Variants in KAZN observed in about 807,000 individuals in gnomAD.
The protein encoded by KAZN is kazrin.
KAZN carries 40 observed loss-of-function variants against 87.4 expected under a neutral mutation model. The observed-to-expected ratio is 0.46, with a 90% CI of 0.36 to 0.60. The LOEUF (loss-of-function observed/expected upper bound fraction) is 0.60, where lower values mean the gene tolerates loss of function less well. Among genes scored for constraint, KAZN ranks in the 20% least tolerant of loss-of-function variants. KAZN has a pLI of 0.00. For missense variants in KAZN, 898 were observed against 1,073.9 expected, an observed-to-expected ratio of 0.84 and a Z score of 2.29; for synonymous variants, 466 against 458.3, an observed-to-expected ratio of 1.02 and a Z score of -0.22.
At chr1:14,370,624 G>C (rs527268503) in intron 2 of KAZN, among the ~76,000 whole-genome samples, 1 of 151,210 alleles carries the variant, frequency 6.6e-6, no homozygotes, top group African/African-American at 2.4e-5. Flanking sequence ...CTATTGGGCT[G>C]AAAAACCTGG....
chr1:13,915,781 C>T (rs1416607262), intron 1 of KAZN, among the ~76,000 whole-genome samples: 7 of 152,244 alleles, frequency 4.6e-5, no homozygotes, highest in East Asian at 3.8e-4. Context: ...AGCTCCACCT[C>T]GTTCCACCTT....
chr1:13,894,120 G>A (rs1055797911), intron 1 of KAZN, among the ~76,000 whole-genome samples: 1 of 152,152 alleles, frequency 6.6e-6, no homozygotes, highest in Non-Finnish European at 1.5e-5. Context: ...GGTGCCAGTC[G>A]TAGCCTGGTT....
At chr1:14,753,768 C>T (rs576706135) in intron 1 of KAZN, among the ~76,000 whole-genome samples, 1 of 152,130 alleles carries the variant, frequency 6.6e-6, no homozygotes, top group Admixed American at 6.5e-5. Context: ...GCACTCACCT[C>T]TAGGGAGGGA....
At chr1:14,322,792 T>TG (rs1656138245) in intron 2 of KAZN, among the ~76,000 whole-genome samples, 1 of 152,122 alleles carries the variant, frequency 6.6e-6, no homozygotes. Flanking sequence ...ATGAGTGTGG[T>TG]GGGGGAGGAA....
intron 2 of KAZN, among the ~76,000 whole-genome samples, chr1:14,970,533 C>A (rs1375043516): frequency 3.3e-5 from 5 of 152,218 alleles, no homozygotes; most frequent in Non-Finnish European, 7.3e-5. Flanking sequence ...ACCCGAGGAA[C>A]TGATGTTCTC....
intron 1 of KAZN, among the ~76,000 whole-genome samples, chr1:14,043,705 T>C (rs1259077104): frequency 6.6e-6 from 1 of 152,154 alleles, no homozygotes; most frequent in Non-Finnish European, 1.5e-5. Context: ...GAGTATTAGG[T>C]GAAGTACTGT....
intron 13 of KAZN, among the ~76,000 whole-genome samples, chr1:15,105,658 A>C: frequency 6.6e-6 from 1 of 151,562 alleles, no homozygotes; most frequent in East Asian, 1.9e-4. Context: ...TGAGTCCTAA[A>C]CCCCTAAACC....
intron 1 of KAZN, among the ~76,000 whole-genome samples, chr1:14,951,181 C>T (rs1662435984): frequency 1.3e-5 from 2 of 152,130 alleles, no homozygotes; most frequent in Admixed American, 6.5e-5. Flanking sequence ...CATTTCTTTC[C>T]TGCCACGTGC....
intron 1 of KAZN, among the ~76,000 whole-genome samples, chr1:14,165,121 G>A (rs1310097170): frequency 1.3e-5 from 2 of 152,022 alleles, no homozygotes; most frequent in African/African-American, 4.8e-5. Context: ...AGAATTGTGT[G>A]TCATGTGTAC....
At chr1:14,324,180 C>T (rs533332672) in intron 2 of KAZN, among the ~76,000 whole-genome samples, 4 of 152,264 alleles carry the variant, frequency 2.6e-5, no homozygotes, top group South Asian at 2.1e-4. Context: ...TACTCTGTAA[C>T]GTGGATCACT....
rs115885368 is a variant in KAZN at position 14,715,492 on chromosome 1, G to A, written c.226+116269G>A. ...AGCAGAGCTGTTGGAAGCCGGCAGCGCACACATCATCCTCAGAAGGGACTC... is the reference window on the plus strand; with the variant it reads ...AGCAGAGCTGTTGGAAGCCGGCAGCACACACATCATCCTCAGAAGGGACTC... On this transcript the variant is annotated intron_variant, in intron 1 of 14. Coordinates refer to ENST00000376030, the MANE Select transcript of KAZN (RefSeq NM_201628.3). Among the ~76,000 whole-genome samples the A allele has an allele frequency of 2.4e-3, 358 of 152,322 alleles. 2 individuals carry two copies. The highest frequency in any genetic ancestry group is 8.3e-3 in the African/African-American group (345 of 41,578).
At chr1:14,561,861 G>A (rs976493683) in intron 2 of KAZN, among the ~76,000 whole-genome samples, 2 of 151,654 alleles carry the variant, frequency 1.3e-5, no homozygotes, top group Non-Finnish European at 2.9e-5. Context: ...CCGAGATCGT[G>A]CCACTGCACT....
chr1:14,123,380 T>C (rs1267922439), intron 1 of KAZN, among the ~76,000 whole-genome samples: 1 of 152,198 alleles, frequency 6.6e-6, no homozygotes, highest in Non-Finnish European at 1.5e-5. Context: ...CTTGTTGATG[T>C]GTATGTACCT....
chr1:14,207,372 G>A (rs1202985213), intron 2 of KAZN, among the ~76,000 whole-genome samples: 1 of 152,134 alleles, frequency 6.6e-6, no homozygotes. Context: ...CTGACCTTTA[G>A]TATGCTGAAC....
At chr1:14,977,883 CTTTTTTTTTTT>C (rs34375176) in intron 2 of KAZN, among the ~76,000 whole-genome samples, 10 of 91,144 alleles carry the variant, frequency 1.1e-4, no homozygotes, top group African/African-American at 5.5e-4. Flanking sequence ...GGGTGCACGT[CTTTTTTTTTTT>C]TTTTTTTTTT....
In KAZN at chr1:14,599,921, G is replaced by T. The variant is rs892862127; in HGVS notation, c.226+698G>T. On this transcript the variant is annotated intron_variant, in intron 1 of 14. Coordinates refer to ENST00000376030, the MANE Select transcript of KAZN (RefSeq NM_201628.3). The surrounding 1 kb of genome is among the most constrained non-coding windows in gnomAD (Gnocchi z 4.4). ...TAGGGTGGTGGGCTGCAGGGAGCCC[G>T]TTTGAAGGGACTCTGCGGTTTAGAG... Among the ~76,000 whole-genome samples the T allele has an allele frequency of 1.3e-5, 2 of 152,054 alleles. No individual in the cohort carries two copies. The highest frequency in any genetic ancestry group is 2.4e-5 in the African/African-American group (1 of 41,406).
At position 14,901,487 on chromosome 1, in the gene KAZN, G is replaced by T. The variant is rs143387035; in HGVS notation, c.227-59197G>T. 1.2e-4 allele frequency among the ~76,000 whole-genome samples: 19 copies of T among 152,206 alleles called. No homozygotes were observed. The East Asian group carries it at 3.7e-3, about 30-fold the overall frequency. On this transcript the variant is annotated intron_variant, in intron 1 of 14. Coordinates refer to ENST00000376030, the MANE Select transcript of KAZN (RefSeq NM_201628.3). ...GGACCCCAGGCAGGGGAGTCACATG[G>T]TCTGAGTGCTGATAAGTCTGGCTGT...
intron 1 of KAZN, among the ~76,000 whole-genome samples, chr1:14,761,902 T>C (rs1644749863): frequency 6.6e-6 from 1 of 151,894 alleles, no homozygotes; most frequent in Admixed American, 6.6e-5. Context: ...TTTTTTTTTT[T>C]TTTTTCTACT....
intron 1 of KAZN, among the ~76,000 whole-genome samples, chr1:14,660,224 G>A (rs1045911708): frequency 3.3e-5 from 5 of 152,238 alleles, no homozygotes; most frequent in East Asian, 3.9e-4. Context: ...CCCCATAACC[G>A]GGCAATGGAC....
Sources: gnomAD v4.1 joint callset for allele counts (sites outside exome capture counted in the v4.1 genomes callset) on GRCh38, gnomAD v4.1.1 for gene constraint, Gnocchi (gnomAD v3.1) non-coding constraint, MANE v1.5 for transcripts, NCBI Gene and HGNC (gene_info 2026-07-23, HGNC 2026-07-21) for gene names.